GSE1: variants seen among roughly 807,000 people sequenced by gnomAD.
The protein encoded by GSE1 is genetic suppressor element 1.
A neutral mutation model predicts 112.6 loss-of-function variants in GSE1; 32 were observed. That is an observed-to-expected ratio of 0.28 (90% confidence interval 0.21 to 0.38). The LOEUF is 0.38. GSE1 is among the 10% of genes least tolerant of loss of function. GSE1 has a pLI of 1.00. For synonymous variants in GSE1, 1,115 were observed against 735.6 expected (o/e 1.52, Z -8.35); for missense variants, 2,348 against 1,699.2 (o/e 1.38, Z -6.71).
chr16:85,556,960 C>T (rs1366055509), intron 1 of GSE1, among the ~76,000 whole-genome samples: 1 of 152,108 alleles, frequency 6.6e-6, no homozygotes, highest in African/African-American at 2.4e-5. Flanking sequence ...CTTAACCTTC[C>T]TGCGCGGTGA....
At chr16:85,481,092 C>G (rs1444684075) in intron 2 of GSE1, among the ~76,000 whole-genome samples, 2 of 152,206 alleles carry the variant, frequency 1.3e-5, no homozygotes, top group Admixed American at 1.3e-4. Flanking sequence ...CCGGCCCTGA[C>G]ACCTGCTCTT....
At chr16:85,269,752 C>T (rs981732269) in intron 1 of GSE1, among the ~76,000 whole-genome samples, 1 of 149,308 alleles carries the variant, frequency 6.7e-6, no homozygotes, top group Non-Finnish European at 1.5e-5. Context: ...TTGCACCTGG[C>T]ACTCTGCAGC....
intron 1 of GSE1, among the ~76,000 whole-genome samples, chr16:85,614,033 G>A (rs1455949754): frequency 2.6e-5 from 4 of 151,784 alleles, no homozygotes; most frequent in Admixed American, 1.3e-4. Context: ...CCCGGGCTCG[G>A]CCGCTTCTCT....
At chr16:85,618,052 C>A (rs1043674408) in intron 1 of GSE1, among the ~76,000 whole-genome samples, 1 of 152,128 alleles carries the variant, frequency 6.6e-6, no homozygotes, top group Non-Finnish European at 1.5e-5. Context: ...AAGGGGCTTA[C>A]AAATGCAGAG....
chr16:85,496,506 G>A lies in GSE1; in HGVS notation c.2465-137408G>A, dbSNP rs934244407. The stretch of plus-strand genomic sequence containing the variant: ...CGAGGCGGGCAGCCCGGGTGGCCTC[G>A]GTGCGGCGTGTCTGCGGAGTGGCAG... On this transcript the variant is annotated intron_variant, in intron 2 of 2. Transcript: ENST00000637419. Among the ~76,000 whole-genome samples, 11 of 152,340 alleles carry A rather than the reference G, an allele frequency of 7.2e-5. 1 individual carries two copies. Among genetic ancestry groups the A allele is most frequent in the Admixed American group, 6.5e-5 (1 of 15,310 alleles).
chr16:85,408,001 C>A (rs1425485531), intron 2 of GSE1, among the ~76,000 whole-genome samples: 4 of 57,390 alleles, frequency 7.0e-5, no homozygotes, highest in African/African-American at 2.2e-4. Flanking sequence ...ACTCAGGGCC[C>A]CCTGGATAAT....
rs888515541 is a variant in GSE1, at chr16:85,668,030, C to A, written c.3131-110C>A. The A allele has an allele frequency of 8.8e-6, 7 of 799,046 alleles. No individual in the cohort carries two copies. The South Asian group carries it at 1.3e-4, about 14-fold the overall frequency. The allele number at this position is 799,046 out of a possible 1,614,324, so 49.5% of individuals were successfully genotyped here. On this transcript the variant is annotated intron_variant, in intron 13 of 15. Transcript: ENST00000253458. ...CGCGATGTCATCTTGGTCCCCGGAGCCCTGCAGTCATGTTGACTCTGCACC... is the reference window on the plus strand; with the variant it reads ...CGCGATGTCATCTTGGTCCCCGGAGACCTGCAGTCATGTTGACTCTGCACC...
At chr16:85,452,116 G>A (rs1342833197) in intron 2 of GSE1, among the ~76,000 whole-genome samples, 2 of 152,178 alleles carry the variant, frequency 1.3e-5, no homozygotes, top group African/African-American at 2.4e-5. Context: ...TGTCCGGCGC[G>A]AATAATTGGA....
chr16:85,661,083 G>A, intron 8 of GSE1, 63 bp from the exon 9 acceptor site: 2 of 1,475,438 alleles, frequency 1.4e-6, no homozygotes, highest in African/African-American at 1.4e-5. Context: ...AGGCAGCCAG[G>A]GAAGCCTGTG....
At chr16:85,382,547 C>T (rs914341316) in intron 2 of GSE1, among the ~76,000 whole-genome samples, 9 of 152,154 alleles carry the variant, frequency 5.9e-5, no homozygotes, top group African/African-American at 2.2e-4. Context: ...CAGCAGAGCC[C>T]TTGAAAGCAG....
At chr16:85,651,919 C>A (rs1025061386) in intron 3 of GSE1, among the ~76,000 whole-genome samples, 1 of 152,230 alleles carries the variant, frequency 6.6e-6, no homozygotes, top group Non-Finnish European at 1.5e-5. Flanking sequence ...CTTGTTAAGT[C>A]CATCCCAGAC....
intron 1 of GSE1, among the ~76,000 whole-genome samples, chr16:85,220,603 C>T (rs528598952): frequency 2.8e-4 from 41 of 147,712 alleles, no homozygotes; most frequent in Non-Finnish European, 4.2e-4. Flanking sequence ...CCCACACAGG[C>T]GGGCTTCTCG....
intron 1 of GSE1, among the ~76,000 whole-genome samples, chr16:85,235,250 C>T (rs1391898999): frequency 6.6e-6 from 1 of 152,102 alleles, no homozygotes; most frequent in Non-Finnish European, 1.5e-5. Context: ...CCCAACCCCC[C>T]GGCCGCCTCT....
intron 2 of GSE1, among the ~76,000 whole-genome samples, chr16:85,456,871 G>C (rs2049843248): frequency 1.3e-5 from 2 of 152,072 alleles, no homozygotes; most frequent in South Asian, 4.1e-4. Flanking sequence ...ACTCACAGGA[G>C]AGACACCGGC....
chr16:85,656,392 CGCGAGCGTGAGCGTGAGG>C lies in GSE1; in HGVS notation c.1040_1057del (p.Arg347_Ala353delinsPro), dbSNP rs762239455. ...GCGGGAGAGGGAGCGCGAGCGCGAG[CGCGAGCGTGAGCGTGAGG>C]CTGACCGCGAGCGGGAGAAGGAACG... On this transcript the variant is annotated inframe_deletion, in exon 7 of 16. Transcript: ENST00000253458. 8 of 1,578,346 alleles carry C rather than the reference CGCGAGCGTGAGCGTGAGG, an allele frequency of 5.1e-6. No homozygotes were observed. The East Asian group carries it at 9.1e-5, about 18-fold the overall frequency.
intron 2 of GSE1, among the ~76,000 whole-genome samples, chr16:85,465,225 C>T (rs1213191545): frequency 6.6e-6 from 1 of 152,250 alleles, no homozygotes; most frequent in Non-Finnish European, 1.5e-5. Context: ...CCTCCATGGG[C>T]TGCCCCCGCC....
At chr16:85,442,215 C>G (rs2049392314) in intron 2 of GSE1, among the ~76,000 whole-genome samples, 2 of 152,314 alleles carry the variant, frequency 1.3e-5, no homozygotes, top group South Asian at 4.1e-4. Context: ...TTGCTGCCCC[C>G]CTCCTCCTTA....
chr16:85,475,295 C>A (rs529873829), intron 2 of GSE1, among the ~76,000 whole-genome samples: 1 of 152,220 alleles, frequency 6.6e-6, no homozygotes, highest in Non-Finnish European at 1.5e-5. Flanking sequence ...ACAAGTGCGT[C>A]GCTGAATCTG....
intron 1 of GSE1, among the ~76,000 whole-genome samples, chr16:85,331,626 T>C (rs1302239210): frequency 1.2e-5 from 1 of 84,118 alleles, no homozygotes; most frequent in East Asian, 3.0e-4. Flanking sequence ...TGTGTGTATA[T>C]ATGTGTATAT....
Sources: gnomAD v4.1 joint callset for allele counts (sites outside exome capture counted in the v4.1 genomes callset) on GRCh38, gnomAD v4.1.1 for gene constraint, MANE v1.5 for transcripts, NCBI Gene and HGNC (gene_info 2026-07-23, HGNC 2026-07-21) for gene names.